Variants in PAK4 observed in about 807,000 individuals in gnomAD.
PAK4 encodes p21 (RAC1) activated kinase 4.
In PAK4, 49 loss-of-function variants were observed where a neutral mutation model predicts 53.5. That is an observed-to-expected ratio of 0.92 (90% CI 0.73 to 1.16). The LOEUF is 1.16. PAK4 is among the 50% of genes most tolerant of loss of function. The pLI is 0.00. For missense variants in PAK4, 824 were observed against 850.7 expected (o/e 0.97, Z 0.39); for synonymous variants, 376 against 375.6 (o/e 1.00, Z -0.01).
chr19:39,179,807 C>CT (rs961049958), downstream of PAK4: 69 of 152,396 alleles, frequency 4.5e-4, no homozygotes, highest in African/African-American at 1.5e-3. Flanking sequence ...CTGAGGCTGA[C>CT]TGGCCTGGAG....
At chr19:39,171,916 G>A (rs1318816849) in intron 2 of PAK4, among the ~76,000 whole-genome samples, 1 of 152,230 alleles carries the variant, frequency 6.6e-6, no homozygotes. Context: ...CTGAGATGGA[G>A]CAGGACCCGA....
intron 2 of PAK4, among the ~76,000 whole-genome samples, chr19:39,171,752 C>T (rs139250368): frequency 4.6e-5 from 7 of 152,216 alleles, no homozygotes; most frequent in East Asian, 3.9e-4. Flanking sequence ...GGCAGGCCTC[C>T]GGCTGGAGGA....
chr19:39,148,866 C>T (rs1470996141), intron 1 of PAK4, among the ~76,000 whole-genome samples: 2 of 151,594 alleles, frequency 1.3e-5, no homozygotes, highest in Non-Finnish European at 2.9e-5. Flanking sequence ...TTTTTTTCCC[C>T]CGTTTGGCAT....
intron 1 of PAK4, among the ~76,000 whole-genome samples, chr19:39,146,282 G>A (rs1427995483): frequency 1.3e-5 from 2 of 152,168 alleles, no homozygotes; most frequent in Admixed American, 1.3e-4. Context: ...TGACAGCTGT[G>A]ATGGGAGAAG....
At position 39,161,693 on chromosome 19, in the gene PAK4, G is replaced by A. The variant is rs1215264420; in HGVS notation, c.-22-7839G>A. Among the ~76,000 whole-genome samples the A allele has an allele frequency of 7.2e-5, 11 of 151,862 alleles. No individual in the cohort carries two copies. The highest frequency in any genetic ancestry group is 7.2e-4 in the Admixed American group (11 of 15,246). ...GGGAAAGGACCAGGCCCTCCCGGTG[G>A]CCCCCAAAGCCCCACACGATCTGCC... On this transcript the variant is annotated intron_variant, in intron 1 of 8. Coordinates refer to ENST00000358301, the Ensembl canonical transcript of PAK4. This position sits in a 1 kb window ranked among gnomAD's most constrained non-coding sequence, Gnocchi z 4.5.
intron 4 of PAK4, among the ~76,000 whole-genome samples, chr19:39,174,487 C>T (rs73933815): frequency 0.045 from 6,874 of 151,850 alleles, 389 homozygotes; most frequent in African/African-American, 0.13. Flanking sequence ...AGCACCCTGA[C>T]GATAGGAAGC....
chr19:39,174,541 T>C (rs547662049), intron 4 of PAK4, among the ~76,000 whole-genome samples: 4 of 152,148 alleles, frequency 2.6e-5, no homozygotes, highest in East Asian at 1.9e-4. Context: ...TCGACCCCGT[T>C]GCCCATCACA....
rs541085673 is a variant in PAK4 at position 39,145,559 on chromosome 19, C to T, written c.-23+19640C>T. On this transcript the variant is annotated intron_variant, in intron 1 of 8. Transcript: ENST00000358301. ...CCCCCTGCTCCACGTGGGTTTGAGG[C>T]GGCCACCTCCAGTGGAAGTGGTAGA... Among the ~76,000 whole-genome samples, 229 of 152,266 alleles carry T rather than the reference C, an allele frequency of 1.5e-3. 2 individuals are homozygous for T. Among genetic ancestry groups the T allele is most frequent in the Middle Eastern group, 0.01 (3 of 294 alleles).
In PAK4 at chr19:39,175,533, G is replaced by A; in HGVS notation, c.1359+95G>A. On this transcript the variant is annotated intron_variant, in intron 6 of 8. Transcript: ENST00000358301. The surrounding 1 kb of genome is among the most constrained non-coding windows in gnomAD (Gnocchi z 4.7). ...TCCCCTGTGAGGGTAGGTGAGCTCT[G>A]ACCCCCAGGTCTGTGTCTTGAGGAG... 7.6e-7 allele frequency: 1 copy of A among 1,323,824 alleles called. No individual in the cohort carries two copies. Among genetic ancestry groups the A allele is most frequent in the Non-Finnish European group, 1.0e-6 (1 of 959,592 alleles). 82.0% of individuals were successfully genotyped at this position (1,323,824 alleles called of 1,614,324 possible).
intron 1 of PAK4, among the ~76,000 whole-genome samples, chr19:39,146,733 T>C (rs1202112295): frequency 6.6e-6 from 1 of 152,014 alleles, no homozygotes; most frequent in Non-Finnish European, 1.5e-5. Context: ...CCCAGCTACT[T>C]GGGAGGCCGA....
Position 39,173,671 on chromosome 19 carries a change from C to T in PAK4, c.759C>T (p.Ala253=), listed in dbSNP as rs1018859374. 2 of 1,587,960 alleles carry T rather than the reference C, an allele frequency of 1.3e-6. No homozygotes were observed. The highest frequency in any genetic ancestry group is 1.3e-5 in the African/African-American group (1 of 74,296). Residue 253 remains alanine, a synonymous_variant, in exon 4 of 9, where the codon GCC becomes GCT. Transcript: ENST00000358301. This position sits in a 1 kb window ranked among gnomAD's most constrained non-coding sequence, Gnocchi z 6.9. ...CCTCCTCCCGGCCTCCCACCCGAGC[C>T]CGAGGTGCCCCCAGCCCTGGAGTGC... is the stretch of plus-strand genomic sequence containing the variant.
intron 2 of PAK4, among the ~76,000 whole-genome samples, chr19:39,171,897 G>C (rs1182581294): frequency 1.3e-5 from 2 of 152,230 alleles, no homozygotes; most frequent in African/African-American, 4.8e-5. Flanking sequence ...CCAGATGCTG[G>C]TCTAGGTGCT....
At chr19:39,169,822 C>G in intron 2 of PAK4, 65 bp downstream of exon 3, 2 of 1,161,668 alleles carry the variant, frequency 1.7e-6, no homozygotes, top group South Asian at 1.5e-5. Context: ...TGGCCCTCAA[C>G]CCCACACTCG....
chr19:39,181,629 A>T (rs550991668), downstream of PAK4: 10 of 152,098 alleles, frequency 6.6e-5, no homozygotes, highest in African/African-American at 2.4e-4. Context: ...ACCCTTCCTG[A>T]CCCCACCGGC....
At chr19:39,172,825 T>C in intron 2 of PAK4, 93 bp from the exon 4 acceptor site, 1 of 1,024,984 alleles carries the variant, frequency 9.8e-7, no homozygotes, top group Admixed American at 2.6e-5. Context: ...TGTCTCTGTG[T>C]GTGTCGTGCT....
In PAK4 at chr19:39,135,461, A is replaced by G. The variant is rs376458571; in HGVS notation, c.-23+9542A>G. Among the ~76,000 whole-genome samples the G allele has an allele frequency of 7.1e-4, 106 of 148,826 alleles. 2 individuals carry two copies. In the East Asian group the frequency reaches 0.014, roughly 20 times the overall value. ...AGCCATTCTCCTCCCTCACCCCCTC[A>G]AGTAGCTGGGATTACAGGCATGTGC... On this transcript the variant is annotated intron_variant, in intron 1 of 8. Transcript: ENST00000358301.
chr19:39,164,784 A>C (rs1568518427), intron 1 of PAK4, among the ~76,000 whole-genome samples: 1 of 152,160 alleles, frequency 6.6e-6, no homozygotes, highest in Non-Finnish European at 1.5e-5. Flanking sequence ...CACAGCTGCA[A>C]AATGGGGCTC....
chr19:39,167,608 G>A (rs1399003263), intron 1 of PAK4, among the ~76,000 whole-genome samples: 15 of 152,188 alleles, frequency 9.9e-5, no homozygotes, highest in Admixed American at 9.8e-4. Flanking sequence ...AACCCTGGGA[G>A]CCTTGGCCAG....
At chr19:39,174,552 G>A (rs975354403) in intron 4 of PAK4, among the ~76,000 whole-genome samples, 3 of 152,008 alleles carry the variant, frequency 2.0e-5, no homozygotes, top group Admixed American at 6.6e-5. Context: ...GCCCATCACA[G>A]TGCCGGGCTG....
Sources: gnomAD v4.1 joint callset for allele counts (sites outside exome capture counted in the v4.1 genomes callset) on GRCh38, gnomAD v4.1.1 for gene constraint, Gnocchi (gnomAD v3.1) non-coding constraint, MANE v1.5 for transcripts, NCBI Gene and HGNC (gene_info 2026-07-23, HGNC 2026-07-21) for gene names.